The following GSG1L variants were observed in gnomAD, a reference collection of about 807,000 sequenced individuals.
GSG1L encodes germ cell-specific gene 1-like protein.
In GSG1L, 24 loss-of-function variants were observed where a neutral mutation model predicts 42.1. The observed-to-expected ratio is 0.57, with a 90% CI of 0.41 to 0.80. The LOEUF (loss-of-function observed/expected upper bound fraction) is 0.80. Among genes scored for constraint, GSG1L ranks in the 30% least tolerant of loss-of-function variants. The pLI, the probability that GSG1L is intolerant of heterozygous loss-of-function variation, is 0.00. For missense variants in GSG1L, 445 were observed against 472.2 expected (o/e 0.94, Z 0.53); for synonymous variants, 215 against 203.5 (o/e 1.06, Z -0.48).
At chr16:27,830,735 A>T (rs2083266200) in intron 4 of GSG1L, among the ~76,000 whole-genome samples, 1 of 152,194 alleles carries the variant, frequency 6.6e-6, no homozygotes, top group South Asian at 2.1e-4. Context: ...GTCCAATCAG[A>T]TACTCTCTCC....
intron 1 of GSG1L, among the ~76,000 whole-genome samples, chr16:27,990,701 G>A (rs542974092): frequency 2.6e-5 from 4 of 152,322 alleles, no homozygotes; most frequent in Admixed American, 6.5e-5. Context: ...TTTTGATGAC[G>A]AATCTGTGAC....
intron 5 of GSG1L, among the ~76,000 whole-genome samples, chr16:27,824,245 C>T (rs1252938299): frequency 6.6e-6 from 1 of 152,236 alleles, no homozygotes; most frequent in Non-Finnish European, 1.5e-5. Flanking sequence ...GCTCTGGATT[C>T]TCCCATCCTG....
At chr16:27,934,540 A>G (rs753147843) in intron 2 of GSG1L, among the ~76,000 whole-genome samples, 12 of 152,186 alleles carry the variant, frequency 7.9e-5, no homozygotes, top group Non-Finnish European at 1.2e-4. Context: ...GTCTCAAAAA[A>G]TAAATAAATA....
At chr16:27,889,968 C>G (rs1047629429) in intron 2 of GSG1L, among the ~76,000 whole-genome samples, 9 of 152,204 alleles carry the variant, frequency 5.9e-5, no homozygotes, top group Admixed American at 5.2e-4. Flanking sequence ...AGGGATTAAG[C>G]AACTGCTCTA....
intron 2 of GSG1L, among the ~76,000 whole-genome samples, chr16:27,931,924 G>A (rs1190418620): frequency 6.6e-6 from 1 of 152,174 alleles, no homozygotes; most frequent in Non-Finnish European, 1.5e-5. Flanking sequence ...TGAAGAAACA[G>A]AATGAGATCT....
In GSG1L at chr16:27,851,821, A is replaced by C. The variant is rs369275280; in HGVS notation, c.551-6760T>G. 1.8e-4 allele frequency among the ~76,000 whole-genome samples: 28 copies of C among 152,310 alleles called. No homozygotes were observed. The East Asian group carries it at 5.0e-3, about 27-fold the overall frequency. ...GAGGACACACAGGAATGCCAACCCG[A>C]GATGCCACGAATCATCTTTTGCTCA... On this transcript the variant is annotated intron_variant, in intron 3 of 6. Transcript: ENST00000447459.
At chr16:27,902,033 G>C (rs1288780915) in intron 2 of GSG1L, among the ~76,000 whole-genome samples, 1 of 152,102 alleles carries the variant, frequency 6.6e-6, no homozygotes, top group Admixed American at 6.5e-5. Context: ...AGTCACTTTC[G>C]GTCCTTCCCC....
At chr16:27,902,516 C>CGGGGA (rs2084271946) in intron 2 of GSG1L, among the ~76,000 whole-genome samples, 1 of 151,878 alleles carries the variant, frequency 6.6e-6, no homozygotes, top group African/African-American at 2.4e-5. Context: ...CCCGCGGGTG[C>CGGGGA]CGATGATGAG....
In GSG1L at chr16:27,800,397, G is replaced by A. The variant is rs936786642; in HGVS notation, c.898+7090C>T. Among the ~76,000 whole-genome samples the A allele has an allele frequency of 6.6e-5, 10 of 152,180 alleles. 1 individual carries two copies. The highest frequency in any genetic ancestry group is 6.5e-4 in the Admixed American group (10 of 15,282). On this transcript the variant is annotated intron_variant, in intron 6 of 6. Transcript: ENST00000447459. Reference sequence around the variant, plus strand: ...GCCCAGCATGCGACAGCCTCTCGTGGAGCCCAGCCTTACAGATACACCTGG... The same window carrying A: ...GCCCAGCATGCGACAGCCTCTCGTGAAGCCCAGCCTTACAGATACACCTGG...
intron 2 of GSG1L, among the ~76,000 whole-genome samples, chr16:27,896,713 G>C (rs2084195935): frequency 6.6e-6 from 1 of 152,218 alleles, no homozygotes; most frequent in South Asian, 2.1e-4. Flanking sequence ...CAGAGAAGGA[G>C]ATGCAATGGG....
chr16:27,973,519 C>T (rs1336347236), intron 1 of GSG1L, among the ~76,000 whole-genome samples: 2 of 145,190 alleles, frequency 1.4e-5, no homozygotes, highest in South Asian at 2.2e-4. Flanking sequence ...CACCTACATG[C>T]GGGTCAGAGG....
chr16:27,953,176 A>G (rs1489693109), intron 2 of GSG1L, among the ~76,000 whole-genome samples: 5 of 151,948 alleles, frequency 3.3e-5, no homozygotes, highest in African/African-American at 1.2e-4. Context: ...TGCAACCTCT[A>G]CCTCCTGGGC....
chr16:28,021,103 C>T (rs746849841), intron 1 of GSG1L, among the ~76,000 whole-genome samples: 11 of 152,198 alleles, frequency 7.2e-5, no homozygotes, highest in African/African-American at 2.2e-4. Context: ...AAAGAGATAC[C>T]GGAGACTGGG....
chr16:28,009,322 C>T (rs1227231676), intron 1 of GSG1L, among the ~76,000 whole-genome samples: 2 of 152,114 alleles, frequency 1.3e-5, no homozygotes. Flanking sequence ...GAGCTTGTGC[C>T]CTCAAAGTGG....
chr16:27,932,531 A>C (rs1457204214), intron 2 of GSG1L, among the ~76,000 whole-genome samples: 1 of 152,160 alleles, frequency 6.6e-6, no homozygotes, highest in East Asian at 1.9e-4. Context: ...GATGCCACAC[A>C]ACCGGATCTC....
Position 27,884,522 on chromosome 16 carries a change from G to A in GSG1L, c.514C>T (p.Leu172Phe), listed in dbSNP as rs772357397. ...GTGAAGACAGCCGCGAAGGCATTGA[G>A]CTTGAGCCCGTCGATGACATTGCTG... ...HSSNVIDGLK[L>F]NAFAAVFTVL... Residue 172 changes from leucine (L) to phenylalanine (F), a missense_variant, in exon 3 of 7, where the codon CTC (leucine) becomes TTC (phenylalanine). Leu to Phe is a conservative substitution (Grantham distance 22). This residue lies in a region of GSG1L where 149 missense variants were observed against 223.3 expected (regional missense o/e 0.67). Transcript: ENST00000447459. The surrounding 1 kb of genome is among the most constrained non-coding windows in gnomAD (Gnocchi z 4.4). The A allele has an allele frequency of 1.2e-6, 2 of 1,613,958 alleles. No individual in the cohort carries two copies. The highest frequency in any genetic ancestry group is 1.7e-5 in the Admixed American group (1 of 59,998).
In GSG1L at chr16:27,953,820, A is replaced by T. The variant is rs541262722; in HGVS notation, c.397+9336T>A. Among the ~76,000 whole-genome samples the T allele has an allele frequency of 1.2e-3, 181 of 152,200 alleles. 5 individuals carry two copies. The highest frequency in any genetic ancestry group is 2.9e-4 in the Non-Finnish European group (20 of 68,036). On this transcript the variant is annotated intron_variant, in intron 2 of 6. Transcript: ENST00000447459. The stretch of plus-strand genomic sequence containing the variant: ...CTGGTACCCAGGAGGCAGAGGCTGC[A>T]GTGAACAGAGATTGCACCACCGCAC...
chr16:27,840,474 C>T (rs1485699752), intron 4 of GSG1L, among the ~76,000 whole-genome samples: 1 of 152,090 alleles, frequency 6.6e-6, no homozygotes, highest in African/African-American at 2.4e-5. Context: ...CCTGACCTGA[C>T]GTTGTCACAG....
At chr16:27,881,950 C>T (rs1351803510) in intron 3 of GSG1L, among the ~76,000 whole-genome samples, 1 of 152,152 alleles carries the variant, frequency 6.6e-6, no homozygotes, top group Non-Finnish European at 1.5e-5. Flanking sequence ...GTTGGCCTCC[C>T]CACCTCCATT....
Sources: gnomAD v4.1 joint callset for allele counts (sites outside exome capture counted in the v4.1 genomes callset) on GRCh38, gnomAD v4.1.1 for gene constraint, gnomAD v4.1.1 regional missense constraint, Gnocchi (gnomAD v3.1) non-coding constraint, MANE v1.5 for transcripts, NCBI Gene and HGNC (gene_info 2026-07-23, HGNC 2026-07-21) for gene names.